CSMD3: variants seen among roughly 807,000 people sequenced by gnomAD.
CSMD3 encodes the protein CUB and sushi domain-containing protein 3.
In CSMD3, 177 loss-of-function variants were observed where a neutral mutation model predicts 435.2. The observed-to-expected ratio is 0.41, with a 90% CI of 0.36 to 0.46. The LOEUF (loss-of-function observed/expected upper bound fraction) is 0.46, where lower values mean the gene tolerates loss of function less well. CSMD3 is among the 20% of genes least tolerant of loss of function. The pLI, the probability that CSMD3 is intolerant of heterozygous loss-of-function variation, is 0.34. For synonymous variants in CSMD3, 1,656 were observed against 1,520.5 expected (o/e 1.09, Z -2.07); for missense variants, 4,265 against 4,504.6 (o/e 0.95, Z 1.52).
intron 1 of CSMD3, among the ~76,000 whole-genome samples, chr8:113,334,175 ACTTT>A (rs530205670): frequency 1.1e-3 from 169 of 151,510 alleles, no homozygotes; most frequent in Non-Finnish European, 2.0e-3. Flanking sequence ...AAAATTTTCT[ACTTT>A]CTGTCTTAAT....
intron 38 of CSMD3, among the ~76,000 whole-genome samples, chr8:112,364,110 G>A (rs981506823): frequency 6.6e-5 from 10 of 151,944 alleles, no homozygotes. Flanking sequence ...TATTGCTCGA[G>A]GATGGGAAGC....
At chr8:112,492,389 T>G (rs1385863187) in intron 31 of CSMD3, 100 bp downstream of exon 31, 24 of 897,214 alleles carry the variant, frequency 2.7e-5, no homozygotes, top group Non-Finnish European at 3.3e-5. Flanking sequence ...ACTTGTAGAT[T>G]GTATGTGGAA....
At chr8:113,075,278 T>G (rs566613560) in intron 5 of CSMD3, among the ~76,000 whole-genome samples, 8 of 151,912 alleles carry the variant, frequency 5.3e-5, no homozygotes, top group Non-Finnish European at 1.2e-4. Flanking sequence ...CAATTTTCTC[T>G]GTATAAGTCT....
intron 13 of CSMD3, among the ~76,000 whole-genome samples, chr8:112,722,368 T>C (rs905361720): frequency 2.2e-4 from 34 of 152,044 alleles, no homozygotes; most frequent in African/African-American, 8.0e-4. Flanking sequence ...GTAGATAACA[T>C]TGGTGATTGA....
Position 112,650,209 on chromosome 8 carries a change from G to T in CSMD3, c.3145C>A (p.Leu1049Ile). 1 of 1,613,846 alleles carries T rather than the reference G, an allele frequency of 6.2e-7. No individual in the cohort carries two copies. The highest frequency in any genetic ancestry group is 1.7e-5 in the Admixed American group (1 of 60,006). ...CTCCACCAGTGGTTTTTTTCGCATA[G>T]AAGGGGCTCTTCATGACTCAACCTG... The part of the protein sequence containing the change: ...GYRLSHEEPL[L>I]CEKNHWWSHP... Residue 1049 changes from leucine (L) to isoleucine (I), a missense_variant, in exon 19 of 71, where the codon CTA (leucine) becomes ATA (isoleucine). Leu to Ile is a conservative substitution (Grantham distance 5). Around this residue, in one of 3 missense-constraint regions of CSMD3, gnomAD observed 3,255 missense variants for 3,380.2 expected, o/e 0.96. Transcript: ENST00000297405.
chr8:112,373,657 C>G (rs1290371458), intron 38 of CSMD3, among the ~76,000 whole-genome samples: 1 of 152,140 alleles, frequency 6.6e-6, no homozygotes, highest in Non-Finnish European at 1.5e-5. Flanking sequence ...TTATTAAAAT[C>G]TGCCTTAACA....
chr8:112,839,414 A>G (rs1363110032), intron 11 of CSMD3, among the ~76,000 whole-genome samples: 1 of 151,802 alleles, frequency 6.6e-6, no homozygotes, highest in Non-Finnish European at 1.5e-5. Context: ...ATAGCACCAC[A>G]GTACAAAACC....
chr8:113,431,572 A>G (rs77809977), intron 1 of CSMD3, among the ~76,000 whole-genome samples: 3,295 of 152,316 alleles, frequency 0.022, 47 homozygotes, highest in Middle Eastern at 0.054. Flanking sequence ...TCCTTAAGCC[A>G]TTTCGGAAGC....
chr8:113,384,042 G>C (rs1588638536), intron 1 of CSMD3, among the ~76,000 whole-genome samples: 2 of 151,956 alleles, frequency 1.3e-5, no homozygotes, highest in East Asian at 3.9e-4. Flanking sequence ...AAATTTATAG[G>C]GTGTGTTCAT....
chr8:112,468,873 A>G (rs1190727340), intron 32 of CSMD3, among the ~76,000 whole-genome samples: 1 of 152,114 alleles, frequency 6.6e-6, no homozygotes, highest in Non-Finnish European at 1.5e-5. Context: ...TTCTGAGAGT[A>G]ATAAAACAAG....
chr8:112,747,099 T>C (rs2077444570), intron 13 of CSMD3, among the ~76,000 whole-genome samples: 1 of 151,504 alleles, frequency 6.6e-6, no homozygotes, highest in Admixed American at 6.6e-5. Context: ...ATTCTACTCT[T>C]TCCTCTAGTT....
At chr8:113,333,162 A>G (rs904556981) in intron 1 of CSMD3, among the ~76,000 whole-genome samples, 7 of 151,688 alleles carry the variant, frequency 4.6e-5, no homozygotes, top group African/African-American at 1.4e-4. Context: ...GAAAGGTTGT[A>G]TATATTCTAG....
chr8:112,710,416 T>C (rs77391177), intron 13 of CSMD3, among the ~76,000 whole-genome samples: 3,851 of 152,206 alleles, frequency 0.025, 78 homozygotes, highest in East Asian at 0.074. Flanking sequence ...CATTTCATGC[T>C]TATCCAATAA....
chr8:112,920,996 C>T (rs560654890), intron 10 of CSMD3, among the ~76,000 whole-genome samples: 4,728 of 123,478 alleles, frequency 0.038, 140 homozygotes, highest in Middle Eastern at 0.059. Flanking sequence ...TACGCGCGCG[C>T]GCACACACAC....
intron 1 of CSMD3, among the ~76,000 whole-genome samples, chr8:113,385,051 T>C (rs967704457): frequency 6.6e-6 from 1 of 152,190 alleles, no homozygotes; most frequent in African/African-American, 2.4e-5. Flanking sequence ...AAACTGCTCA[T>C]CTGGTTCAAA....
chr8:113,027,355 TTC>T (rs1303211965), intron 5 of CSMD3, among the ~76,000 whole-genome samples: 4 of 152,098 alleles, frequency 2.6e-5, no homozygotes, highest in African/African-American at 9.7e-5. Flanking sequence ...AAAAAAAACT[TTC>T]TGTTGTGTTG....
chr8:112,747,582 C>CAGA (rs2077462553), intron 13 of CSMD3, among the ~76,000 whole-genome samples: 1 of 152,082 alleles, frequency 6.6e-6, no homozygotes. Context: ...TAGTTCTGAA[C>CAGA]AGAAGTTCAC....
At chr8:112,811,785 G>A (rs1171942241) in intron 12 of CSMD3, among the ~76,000 whole-genome samples, 3 of 152,100 alleles carry the variant, frequency 2.0e-5, no homozygotes, top group Non-Finnish European at 4.4e-5. Flanking sequence ...CATTGGGTTG[G>A]TAGGTGATTT....
At position 112,577,939 on chromosome 8, in the gene CSMD3, T is replaced by C. The variant is rs1306820930; in HGVS notation, c.3886-4282A>G. On this transcript the variant is annotated intron_variant, in intron 23 of 70. Coordinates refer to ENST00000297405, the MANE Select transcript of CSMD3 (RefSeq NM_198123.2). ...GCAAAAAGTAAATATAAAAGTAAAA[T>C]GTGAAGACAGAAATTACACATGAAC... 5.9e-5 allele frequency among the ~76,000 whole-genome samples: 9 copies of C among 152,160 alleles called. No homozygotes were observed. In the South Asian group the frequency reaches 8.3e-4, roughly 14 times the overall value.
Sources: gnomAD v4.1 joint callset for allele counts (sites outside exome capture counted in the v4.1 genomes callset) on GRCh38, gnomAD v4.1.1 for gene constraint, gnomAD v4.1.1 regional missense constraint, MANE v1.5 for transcripts, NCBI Gene and HGNC (gene_info 2026-07-23, HGNC 2026-07-21) for gene names.